Variants in TSPAN18 observed in about 807,000 individuals in gnomAD.
TSPAN18 encodes tetraspanin 18, also known as tetraspanin-18.
A neutral mutation model predicts 27.3 loss-of-function variants in TSPAN18; 14 were observed. That is an observed-to-expected ratio of 0.51 (90% CI 0.34 to 0.80). The LOEUF (loss-of-function observed/expected upper bound fraction) is 0.80. Ranked by LOEUF, TSPAN18 falls within the 30% of genes least tolerant of loss-of-function variation. The pLI is 0.01. For synonymous variants in TSPAN18, 143 were observed against 136.5 expected (o/e 1.05, Z -0.33); for missense variants, 268 against 323.9 (o/e 0.83, Z 1.32).
At chr11:44,749,070 G>C (rs1327451404) in intron 1 of TSPAN18, among the ~76,000 whole-genome samples, 1 of 152,202 alleles carries the variant, frequency 6.6e-6, no homozygotes, top group Non-Finnish European at 1.5e-5. Flanking sequence ...AGCTGGATCT[G>C]CACCTGGGTG....
In TSPAN18 at chr11:44,829,221, C is replaced by G. The variant is rs560583920; in HGVS notation, c.-152-31107C>G. Reference sequence around the variant, plus strand: ...AGTTCATAGTTTCCATTAGGGGTCCCTCTTTGCATTGTACATTCTATGGGT... The same window carrying G: ...AGTTCATAGTTTCCATTAGGGGTCCGTCTTTGCATTGTACATTCTATGGGT... On this transcript the variant is annotated intron_variant, in intron 2 of 9. Coordinates refer to ENST00000520358, the MANE Select transcript of TSPAN18 (RefSeq NM_130783.5). 5.3e-5 allele frequency among the ~76,000 whole-genome samples: 8 copies of G among 152,214 alleles called. No homozygotes were observed. In the East Asian group the frequency reaches 1.2e-3, roughly 22 times the overall value.
At chr11:44,926,856 C>G (rs1860379054) in intron 9 of TSPAN18, 99 bp downstream of exon 9, 1 of 1,402,328 alleles carries the variant, frequency 7.1e-7, no homozygotes, top group African/African-American at 1.4e-5. Flanking sequence ...TTTCCTTCAC[C>G]TGGGACCCAA....
chr11:44,874,575 C>G (rs972100218), intron 3 of TSPAN18, among the ~76,000 whole-genome samples: 1 of 152,228 alleles, frequency 6.6e-6, no homozygotes, highest in African/African-American at 2.4e-5. Context: ...ATTGCAAAGC[C>G]TGGCACTAAT....
chr11:44,729,358 T>C (rs988435394), intron 1 of TSPAN18, among the ~76,000 whole-genome samples: 9 of 152,300 alleles, frequency 5.9e-5, no homozygotes, highest in African/African-American at 2.2e-4. Context: ...CCTGGGAGCA[T>C]GGGGCCCCTA....
At chr11:44,844,868 T>A (rs573975353) in intron 2 of TSPAN18, among the ~76,000 whole-genome samples, 1 of 152,344 alleles carries the variant, frequency 6.6e-6, no homozygotes, top group East Asian at 1.9e-4. Context: ...GCACCAGGCC[T>A]GGTCCATCTA....
chr11:44,866,548 C>G (rs139761330), intron 3 of TSPAN18, among the ~76,000 whole-genome samples: 62 of 152,344 alleles, frequency 4.1e-4, no homozygotes, highest in Middle Eastern at 3.4e-3. Flanking sequence ...CAACTCCGAG[C>G]TATGAGCTTC....
intron 3 of TSPAN18, among the ~76,000 whole-genome samples, chr11:44,864,306 A>AAAC (rs1857977456): frequency 6.7e-6 from 1 of 149,916 alleles, no homozygotes; most frequent in Non-Finnish European, 1.5e-5. Context: ...AAAAAAAAAA[A>AAAC]CTTGGTGATG....
In TSPAN18 at chr11:44,817,074, C is replaced by T. The variant is rs200213872; in HGVS notation, c.-152-43254C>T. Among the ~76,000 whole-genome samples the T allele has an allele frequency of 1.1e-4, 16 of 152,244 alleles. No homozygotes were observed. The East Asian group carries it at 2.1e-3, about 20-fold the overall frequency. On this transcript the variant is annotated intron_variant, in intron 2 of 9. Transcript: ENST00000520358. The stretch of plus-strand genomic sequence containing the variant: ...TCTCAGGGAAGTGTGAGGCTGGAGG[C>T]GAGGAGCAGGGTTGGGGGCCTGCTT...
At chr11:44,924,346 C>G (rs1180621079) in intron 8 of TSPAN18, among the ~76,000 whole-genome samples, 1 of 152,066 alleles carries the variant, frequency 6.6e-6, no homozygotes, top group African/African-American at 2.4e-5. Flanking sequence ...CTACATGGCC[C>G]CATTGTACAG....
At chr11:44,754,961 A>G (rs993987177) in intron 1 of TSPAN18, among the ~76,000 whole-genome samples, 3 of 152,290 alleles carry the variant, frequency 2.0e-5, no homozygotes, top group African/African-American at 7.2e-5. Flanking sequence ...GTGTCTGTCT[A>G]TGGCAGGTCC....
At chr11:44,749,738 A>C (rs1170639650) in intron 1 of TSPAN18, among the ~76,000 whole-genome samples, 1 of 145,788 alleles carries the variant, frequency 6.9e-6, no homozygotes, top group Non-Finnish European at 1.5e-5. Flanking sequence ...CCGGGTTCAC[A>C]CCATTCTCCT....
chr11:44,868,257 G>T (rs1373970463), intron 3 of TSPAN18, among the ~76,000 whole-genome samples: 2 of 152,202 alleles, frequency 1.3e-5, no homozygotes, highest in East Asian at 1.9e-4. Context: ...TTCAGTTGCT[G>T]CCAGGCACTA....
chr11:44,777,457 C>T (rs1855838602), intron 2 of TSPAN18, among the ~76,000 whole-genome samples: 1 of 152,182 alleles, frequency 6.6e-6, no homozygotes, highest in African/African-American at 2.4e-5. Flanking sequence ...GCCTTGTTCT[C>T]CAGCTCACCC....
At chr11:44,855,214 A>G (rs1021913912) in intron 2 of TSPAN18, among the ~76,000 whole-genome samples, 10 of 152,202 alleles carry the variant, frequency 6.6e-5, no homozygotes, top group Non-Finnish European at 8.8e-5. Flanking sequence ...GGGTTTAATA[A>G]GCACACTGTG....
At chr11:44,759,057 G>T (rs1470652188) in intron 1 of TSPAN18, among the ~76,000 whole-genome samples, 3 of 152,198 alleles carry the variant, frequency 2.0e-5, no homozygotes, top group Admixed American at 2.0e-4. Context: ...TGGCATCTTT[G>T]CAGGGCTTCC....
At chr11:44,744,341 C>T (rs1855021422) in intron 1 of TSPAN18, among the ~76,000 whole-genome samples, 1 of 152,334 alleles carries the variant, frequency 6.6e-6, no homozygotes, top group East Asian at 1.9e-4. Flanking sequence ...GGCTCTGTCT[C>T]CACTGTTTAC....
At chr11:44,861,456 TG>T (rs1363028303) in intron 3 of TSPAN18, among the ~76,000 whole-genome samples, 8 of 5,254 alleles carry the variant, frequency 1.5e-3, no homozygotes, top group African/African-American at 6.9e-3. Flanking sequence ...GGTGCTGGGG[TG>T]GGGGCGGTCG....
At chr11:44,741,016 G>A (rs533484147) in intron 1 of TSPAN18, among the ~76,000 whole-genome samples, 1 of 152,266 alleles carries the variant, frequency 6.6e-6, no homozygotes, top group South Asian at 2.1e-4. Context: ...CCGCATCACG[G>A]GAGTGGGGCT....
chr11:44,731,633 T>TGTGTGAGAGAGAGA (rs139154582), intron 1 of TSPAN18, among the ~76,000 whole-genome samples: 28 of 107,382 alleles, frequency 2.6e-4, no homozygotes, highest in Admixed American at 5.0e-4. Context: ...TGTGTGTGTG[T>TGTGTGAGAGAGAGA]GAGAGAGAGA....
Sources: gnomAD v4.1 joint callset for allele counts (sites outside exome capture counted in the v4.1 genomes callset) on GRCh38, gnomAD v4.1.1 for gene constraint, MANE v1.5 for transcripts, NCBI Gene and HGNC (gene_info 2026-07-23, HGNC 2026-07-21) for gene names.